PIK3C2G: variants seen among roughly 807,000 people sequenced by gnomAD.
PIK3C2G encodes the protein phosphatidylinositol 3-kinase C2 domain-containing subunit gamma.
Under a neutral mutation model 181.1 loss-of-function variants are expected in PIK3C2G, and 168 were observed. The observed-to-expected ratio is 0.93, with a 90% CI of 0.82 to 1.05. The LOEUF is 1.05. Among genes scored for constraint, PIK3C2G ranks in the 50% least tolerant of loss-of-function variants. The pLI is 0.00. For synonymous variants in PIK3C2G, 573 were observed against 592.2 expected, an observed-to-expected ratio of 0.97 and a Z score of 0.47; for missense variants, 1,869 against 1,732.8, an observed-to-expected ratio of 1.08 and a Z score of -1.40.
chr12:18,654,436 A>G, the PIK3C2G span, among the ~76,000 whole-genome samples: 1 of 152,146 alleles, frequency 6.6e-6, no homozygotes, highest in Non-Finnish European at 1.5e-5. Context: ...GAACAATCAA[A>G]TCACCTTTTC....
intron 18 of PIK3C2G, among the ~76,000 whole-genome samples, chr12:18,449,521 C>A (rs568611172): frequency 4.6e-5 from 7 of 152,190 alleles, no homozygotes; most frequent in Non-Finnish European, 1.0e-4. Context: ...TCTCATTGTT[C>A]AACTCCCACT....
At chr12:18,500,470 C>T (rs1411521398) in intron 22 of PIK3C2G, among the ~76,000 whole-genome samples, 1 of 152,186 alleles carries the variant, frequency 6.6e-6, no homozygotes, top group East Asian at 1.9e-4. Flanking sequence ...CCCCTACGAG[C>T]GCGGCCCCCT....
intron 12 of PIK3C2G, among the ~76,000 whole-genome samples, chr12:18,370,293 G>C (rs1941955391): frequency 6.6e-6 from 1 of 152,038 alleles, no homozygotes; most frequent in African/African-American, 2.4e-5. Context: ...TACATATATT[G>C]ATGATTTCAA....
chr12:18,464,849 T>C (rs1051806748), intron 18 of PIK3C2G, among the ~76,000 whole-genome samples: 5 of 152,024 alleles, frequency 3.3e-5, no homozygotes, highest in Admixed American at 6.6e-5. Context: ...CTACTTTGGA[T>C]GCCATGAATA....
At chr12:18,519,523 A>G (rs554969636) in intron 24 of PIK3C2G, among the ~76,000 whole-genome samples, 2 of 152,238 alleles carry the variant, frequency 1.3e-5, no homozygotes, top group South Asian at 4.2e-4. Flanking sequence ...GTTTTGTCAG[A>G]GACTAGGATT....
the PIK3C2G span, chr12:18,723,664 TTC>T: frequency 1.2e-6 from 1 of 849,046 alleles, no homozygotes; most frequent in Non-Finnish European, 1.9e-6. Context: ...TTACATTGGA[TTC>T]TTATTGAAGA....
chr12:18,655,761 A>C, the PIK3C2G span, among the ~76,000 whole-genome samples: 2 of 152,090 alleles, frequency 1.3e-5, no homozygotes, highest in East Asian at 3.9e-4. Context: ...AAAAAAAAAA[A>C]AAAAATCAGA....
chr12:18,252,603 T>C (rs141667487), intron 1 of PIK3C2G, among the ~76,000 whole-genome samples: 127 of 152,300 alleles, frequency 8.3e-4, no homozygotes, highest in African/African-American at 3.0e-3. Context: ...TGCAGGAATG[T>C]AGTTGAAGGA....
intron 16 of PIK3C2G, among the ~76,000 whole-genome samples, chr12:18,408,974 G>A (rs1159767761): frequency 6.6e-6 from 1 of 152,114 alleles, no homozygotes; most frequent in East Asian, 1.9e-4. Context: ...TTCAACCTTT[G>A]TGGAAGACAA....
chr12:18,509,336 C>T (rs1472082815), intron 24 of PIK3C2G, among the ~76,000 whole-genome samples: 3 of 152,224 alleles, frequency 2.0e-5, no homozygotes, highest in African/African-American at 7.2e-5. Context: ...GCGTGAGCCA[C>T]TGCACCCAGT....
intron 24 of PIK3C2G, among the ~76,000 whole-genome samples, chr12:18,536,372 G>T (rs1232430904): frequency 2.6e-5 from 4 of 152,078 alleles, no homozygotes. Flanking sequence ...TGACCCATTT[G>T]ATTCTCTCAA....
At chr12:18,596,114 C>T (rs1947346865) in intron 30 of PIK3C2G, among the ~76,000 whole-genome samples, 1 of 151,980 alleles carries the variant, frequency 6.6e-6, no homozygotes, top group South Asian at 2.1e-4. Flanking sequence ...GAAAGAACAA[C>T]TATGAAGGAC....
chr12:18,545,241 G>T lies in PIK3C2G; in HGVS notation c.3481-1082G>T, dbSNP rs1944361631. On this transcript the variant is annotated intron_variant, in intron 25 of 32. Coordinates refer to ENST00000538779, the MANE Select transcript of PIK3C2G (RefSeq NM_001288772.2). ...TATTAAAGACATCTTGCTTTCCTTT[G>T]TATGTCTTGCTTTCCTATACATGCT... 2.6e-5 allele frequency among the ~76,000 whole-genome samples: 4 copies of T among 151,804 alleles called. No homozygotes were observed. The South Asian group carries it at 8.3e-4, about 31-fold the overall frequency.
chr12:18,320,356 C>T (rs1951054104), intron 6 of PIK3C2G, among the ~76,000 whole-genome samples: 1 of 148,516 alleles, frequency 6.7e-6, no homozygotes, highest in African/African-American at 2.5e-5. Context: ...TGAGCACACA[C>T]ATATGGGCCA....
At chr12:18,410,510 G>GAAA (rs1184793762) in intron 16 of PIK3C2G, among the ~76,000 whole-genome samples, 12 of 85,428 alleles carry the variant, frequency 1.4e-4, no homozygotes, top group African/African-American at 3.7e-4. Context: ...ATCTCAGAAA[G>GAAA]AAAAAAAAAA....
chr12:18,635,963 A>G lies in PIK3C2G; in HGVS notation c.4183-4466A>G, dbSNP rs1007748401. Among the ~76,000 whole-genome samples, 3 of 152,298 alleles carry G rather than the reference A, an allele frequency of 2.0e-5. No homozygotes were observed. In the East Asian group the frequency reaches 5.8e-4, roughly 29 times the overall value. ...GGGATATATCAACATGCTCCACACC[A>G]CTGGACCTCTAAAAATTTCACTGAG... On this transcript the variant is annotated intron_variant, in intron 31 of 32. Transcript: ENST00000538779.
chr12:18,650,702 GTGTATATATCTATA>G (rs1950443462), downstream of PIK3C2G, among the ~76,000 whole-genome samples: 38 of 27,692 alleles, frequency 1.4e-3, no homozygotes, highest in Admixed American at 4.1e-3. Context: ...GTGTGTGTGT[GTGTATATATCTATA>G]TATATATATA....
At chr12:18,689,360 C>T in the PIK3C2G span, among the ~76,000 whole-genome samples, 3 of 152,160 alleles carry the variant, frequency 2.0e-5, no homozygotes, top group Admixed American at 6.5e-5. Context: ...GTCCAACCTG[C>T]GGGCCACATG....
chr12:18,495,573 T>C (rs778540148), intron 20 of PIK3C2G, among the ~76,000 whole-genome samples: 5 of 152,162 alleles, frequency 3.3e-5, no homozygotes, highest in African/African-American at 4.8e-5. Flanking sequence ...GAGAGGTTAC[T>C]TTCTCCACTT....
Sources: allele counts gnomAD v4.1 joint callset (sites outside exome capture counted in the v4.1 genomes callset), GRCh38; gene constraint gnomAD v4.1.1; transcripts MANE v1.5; gene names NCBI Gene and HGNC (gene_info 2026-07-23, HGNC 2026-07-21).